CHST1: variants seen among roughly 807,000 people sequenced by gnomAD.
The protein encoded by CHST1 is Keratan sulfotransferase.
CHST1 carries 10 observed loss-of-function variants against 22.5 expected under a neutral mutation model. The ratio of observed to expected loss-of-function variants is 0.44; its 90% confidence interval spans 0.27 to 0.75. CHST1 has a LOEUF of 0.75. CHST1 is among the 30% of genes least tolerant of loss of function. The pLI is 0.15. For missense variants in CHST1, 439 were observed against 576.1 expected (o/e 0.76, Z 2.44); for synonymous variants, 267 against 264.5 (o/e 1.01, Z -0.09).
At chr11:45,663,374 G>T (rs12364479) in intron 1 of CHST1, among the ~76,000 whole-genome samples, 1 of 152,130 alleles carries the variant, frequency 6.6e-6, no homozygotes. Context: ...GGGGAGAGTG[G>T]TCAGGGGGAT....
At chr11:45,660,980 G>A (rs1191431886) in intron 1 of CHST1, among the ~76,000 whole-genome samples, 3 of 152,198 alleles carry the variant, frequency 2.0e-5, no homozygotes, top group African/African-American at 7.2e-5. Context: ...TAGAAAACGC[G>A]GGAACCCTGT....
intron 1 of CHST1, among the ~76,000 whole-genome samples, chr11:45,664,939 C>T (rs996646240): frequency 1.3e-5 from 2 of 152,192 alleles, no homozygotes; most frequent in Non-Finnish European, 2.9e-5. Flanking sequence ...TTGCTGCCCT[C>T]CTCGAATGGG....
chr11:45,665,415 A>G lies in CHST1; in HGVS notation c.-464T>C, dbSNP rs1440229888. On this transcript the variant is annotated 5_prime_UTR_variant, in exon 1 of 4. Transcript: ENST00000308064. This position sits in a 1 kb window ranked among gnomAD's most constrained non-coding sequence, Gnocchi z 4.0. ...GGCGCGAGCCCGGGGCGGCTCGAGCAGCTGAGTGCGTTCTCTCCGGCCGGA... is the reference window on the plus strand; with the variant it reads ...GGCGCGAGCCCGGGGCGGCTCGAGCGGCTGAGTGCGTTCTCTCCGGCCGGA... 1.3e-5 allele frequency: 2 copies of G among 151,270 alleles called. No homozygotes were observed. The highest frequency in any genetic ancestry group is 2.9e-5 in the Non-Finnish European group (2 of 67,808). The allele number at this position is 151,270 out of a possible 1,614,324, so 9.4% of individuals were successfully genotyped here.
intron 1 of CHST1, 134 bp from the exon 2 acceptor site, chr11:45,652,740 C>CTCCTTCTAGCTA (rs1410866292): frequency 6.6e-6 from 1 of 152,320 alleles, no homozygotes; most frequent in Non-Finnish European, 1.5e-5. Context: ...CCTGCATCAG[C>CTCCTTCTAGCTA]TCGTGTCCTT....
chr11:45,654,237 G>A (rs944109129), intron 1 of CHST1, among the ~76,000 whole-genome samples: 1 of 152,198 alleles, frequency 6.6e-6, no homozygotes, highest in African/African-American at 2.4e-5. Context: ...TTAAGGCCAG[G>A]ACTGGAAGCT....
At chr11:45,658,848 C>A (rs1232142085) in intron 1 of CHST1, among the ~76,000 whole-genome samples, 1 of 152,098 alleles carries the variant, frequency 6.6e-6, no homozygotes, top group East Asian at 1.9e-4. Context: ...GAGGCCCCAC[C>A]CCCTGGACAC....
Position 45,650,058 on chromosome 11 carries a change from C to T in CHST1, c.866G>A (p.Arg289Gln), listed in dbSNP as rs1438421534. Residue 289 changes from arginine to glutamine, a missense_variant, in exon 4 of 4, where the codon CGG becomes CAG. Coordinates refer to ENST00000308064, the MANE Select transcript of CHST1 (RefSeq NM_003654.6). ...FSNSVSTGLM[R>Q]PPWLKGKYML... The stretch of plus-strand genomic sequence containing the variant: ...GTACTTGCCCTTGAGCCACGGGGGC[C>T]GCATGAGGCCGGTGGACACGGAGTT... 6 of 1,614,078 alleles carry T rather than the reference C, an allele frequency of 3.7e-6. No individual in the cohort carries two copies. The highest frequency in any genetic ancestry group is 4.2e-6 in the Non-Finnish European group (5 of 1,180,018).
Position 45,650,774 on chromosome 11 carries a change from G to T in CHST1, c.150C>A (p.Ser50Arg). Residue 50 changes from serine (S) to arginine (R), a missense_variant, in exon 4 of 4, where the codon AGC (serine) becomes AGA (arginine). Ser to Arg is a moderately radical substitution (Grantham distance 110). Coordinates refer to ENST00000308064, the MANE Select transcript of CHST1 (RefSeq NM_003654.6). ...AGLAERLCEE[S>R]PTFAYNLSRK... ...GGGAGAGGTTGTAGGCGAAGGTGGG[G>T]CTCTCCTCGCACAGTCGCTCGGCCA... 1 of 1,614,038 alleles carries T rather than the reference G, an allele frequency of 6.2e-7. No individual in the cohort carries two copies. Among genetic ancestry groups the T allele is most frequent in the Non-Finnish European group, 8.5e-7 (1 of 1,179,978 alleles).
rs1851985067 is a variant in CHST1, at chr11:45,650,670, T to C, written c.254A>G (p.Asp85Gly). Residue 85 changes from aspartate (D) to glycine (G), a missense_variant, in exon 4 of 4, where the codon GAC becomes GGC. Transcript: ENST00000308064. ...GAGGGGCTCAAACAGGTAGAAGACG[T>C]CCAGGTGCTGGTTGAAGAGCTGGCC... is the stretch of plus-strand genomic sequence containing the variant. ...FVGQLFNQHL[D>G]VFYLFEPLYH... The C allele has an allele frequency of 5.0e-6, 8 of 1,614,088 alleles. No homozygotes were observed. Among genetic ancestry groups the C allele is most frequent in the South Asian group, 1.1e-5 (1 of 91,074 alleles).
chr11:45,649,676 G>T lies in CHST1; in HGVS notation c.*12C>A. 2 of 1,538,874 alleles carry T rather than the reference G, an allele frequency of 1.3e-6. No homozygotes were observed. The highest frequency in any genetic ancestry group is 8.7e-7 in the Non-Finnish European group (1 of 1,149,388). On this transcript the variant is annotated 3_prime_UTR_variant, in exon 4 of 4. Transcript: ENST00000308064. Reference sequence around the variant, plus strand: ...CACCTTGCGCCTCCCGCCCCCACCCGCACCGCCCGGGTCACGAGAAGGGGC... The same window carrying T: ...CACCTTGCGCCTCCCGCCCCCACCCTCACCGCCCGGGTCACGAGAAGGGGC...
rs747417454 is a variant in CHST1 at position 45,650,924 on chromosome 11, G to T, written c.-1C>A. ...GGACGGCCTTCCAGGAACATTGCAT[G>T]GCTGGGCACCTTCATGGGGCTGCTT... On this transcript the variant is annotated 5_prime_UTR_variant, in exon 4 of 4. Transcript: ENST00000308064. 6.5e-7 allele frequency: 1 copy of T among 1,528,010 alleles called. No individual in the cohort carries two copies. The highest frequency in any genetic ancestry group is 8.8e-7 in the Non-Finnish European group (1 of 1,138,618). 94.7% of individuals were successfully genotyped at this position (1,528,010 alleles called of 1,614,324 possible). A position where few individuals can be genotyped will look rare whatever the true frequency, so the allele number is the denominator to read the frequency against.
At position 45,649,877 on chromosome 11, in the gene CHST1, G is replaced by A. The variant is rs148878468; in HGVS notation, c.1047C>T (p.Thr349=). 4,218 of 1,611,176 alleles carry A rather than the reference G, an allele frequency of 2.6e-3. 5 individuals are homozygous for A. Among genetic ancestry groups the A allele is most frequent in the Non-Finnish European group, 3.3e-3 (3,840 of 1,179,944 alleles). The change falls in exon 4 of 4, where the codon ACC becomes ACT. Residue 349 remains threonine, a synonymous_variant. Coordinates refer to ENST00000308064, the MANE Select transcript of CHST1 (RefSeq NM_003654.6). The part of the protein sequence containing the change: ...DPTLGKHKYG[T]VRNSAATAEK... ...CGGCCGTGGCCGCCGAGTTTCGCAC[G>A]GTGCCGTATTTGTGCTTGCCCAGGG...
chr11:45,660,737 C>T (rs1852121299), intron 1 of CHST1, among the ~76,000 whole-genome samples: 1 of 152,236 alleles, frequency 6.6e-6, no homozygotes, highest in South Asian at 2.1e-4. Flanking sequence ...TCCATCTCCT[C>T]CCCTAGCTCT....
At chr11:45,658,517 C>T (rs1400720445) in intron 1 of CHST1, among the ~76,000 whole-genome samples, 1 of 152,184 alleles carries the variant, frequency 6.6e-6, no homozygotes, top group African/African-American at 2.4e-5. Context: ...GAGACCTTGT[C>T]TGGGGTAAGG....
chr11:45,664,974 G>A (rs1400784725), intron 1 of CHST1, among the ~76,000 whole-genome samples: 12 of 152,100 alleles, frequency 7.9e-5, no homozygotes, highest in Non-Finnish European at 1.6e-4. Flanking sequence ...AGGTGATCGC[G>A]GCGCTCACCG....
rs770897574 is a variant in CHST1, at chr11:45,650,779, C to G, written c.145G>C (p.Glu49Gln). 1.2e-6 allele frequency: 2 copies of G among 1,613,948 alleles called. No homozygotes were observed. The highest frequency in any genetic ancestry group is 2.2e-5 in the South Asian group (2 of 91,056). Residue 49 changes from glutamate to glutamine, a missense_variant, in exon 4 of 4, where the codon GAG becomes CAG. Glu to Gln is a conservative substitution (Grantham distance 29, BLOSUM62 2). Coordinates refer to ENST00000308064, the MANE Select transcript of CHST1 (RefSeq NM_003654.6). ...EAGLAERLCE[E>Q]SPTFAYNLSR... ...AGGTTGTAGGCGAAGGTGGGGCTCT[C>G]CTCGCACAGTCGCTCGGCCAGCCCG...
intron 1 of CHST1, among the ~76,000 whole-genome samples, chr11:45,657,587 T>C (rs1482946494): frequency 6.6e-6 from 1 of 152,224 alleles, no homozygotes; most frequent in African/African-American, 2.4e-5. Context: ...CAAGACTTTG[T>C]ACCTAAGAAA....
At chr11:45,657,164 G>A (rs941910710) in intron 1 of CHST1, among the ~76,000 whole-genome samples, 2 of 152,176 alleles carry the variant, frequency 1.3e-5, no homozygotes, top group Non-Finnish European at 2.9e-5. Flanking sequence ...CAGGCCTCTA[G>A]GATGGAGACT....
intron 1 of CHST1, among the ~76,000 whole-genome samples, chr11:45,664,920 G>T (rs907961355): frequency 6.6e-6 from 1 of 152,166 alleles, no homozygotes; most frequent in Admixed American, 6.5e-5. Flanking sequence ...GCCACCGCGC[G>T]TCTCAAGTTT....
Sources: gnomAD v4.1 joint callset for allele counts (sites outside exome capture counted in the v4.1 genomes callset) on GRCh38, gnomAD v4.1.1 for gene constraint, Gnocchi (gnomAD v3.1) non-coding constraint, MANE v1.5 for transcripts, NCBI Gene and HGNC (gene_info 2026-07-23, HGNC 2026-07-21) for gene names.